TMEM217: variants seen among roughly 807,000 people sequenced by gnomAD.
TMEM217 encodes transmembrane protein 217, also known as chromosome 6 open reading frame 128.
For missense variants in TMEM217, 204 were observed against 248.8 expected (o/e 0.82, Z 1.21); for synonymous variants, 76 against 88.3 (o/e 0.86, Z 0.78).
chr6:37,245,924 C>T (rs771061171), intron 1 of TMEM217, among the ~76,000 whole-genome samples: 1 of 151,966 alleles, frequency 6.6e-6, no homozygotes, highest in Non-Finnish European at 1.5e-5. Context: ...CTCAGCCTCC[C>T]GAGTAGCTGT....
chr6:37,213,313 G>A (rs142343622), downstream of TMEM217, among the ~76,000 whole-genome samples: 701 of 152,342 alleles, frequency 4.6e-3, 7 homozygotes, highest in African/African-American at 0.016. Context: ...TGGGAATTCA[G>A]AGGTTCCTGT....
chr6:37,226,076 G>A (rs187346610), intron 1 of TMEM217, among the ~76,000 whole-genome samples: 12 of 152,186 alleles, frequency 7.9e-5, no homozygotes, highest in Admixed American at 7.9e-4. Context: ...GAAGTGTAAT[G>A]AGAACTAGTG....
At chr6:37,250,214 G>A (rs1446020911) in intron 1 of TMEM217, among the ~76,000 whole-genome samples, 1 of 152,060 alleles carries the variant, frequency 6.6e-6, no homozygotes, top group African/African-American at 2.4e-5. Context: ...ATAAAAACAA[G>A]GGAATTATTA....
At chr6:37,242,008 AT>A (rs35494889) in intron 1 of TMEM217, among the ~76,000 whole-genome samples, 8,486 of 129,980 alleles carry the variant, frequency 0.065, 559 homozygotes, top group African/African-American at 0.21. Flanking sequence ...TTCGATCTCA[AT>A]TTTTTTTTTT....
At chr6:37,252,510 G>GCA (rs975059110) in intron 1 of TMEM217, among the ~76,000 whole-genome samples, 1 of 150,122 alleles carries the variant, frequency 6.7e-6, no homozygotes, top group Non-Finnish European at 1.5e-5. Flanking sequence ...ATATATATAT[G>GCA]CACACACACA....
At chr6:37,244,556 CTG>C (rs1008244026) in intron 1 of TMEM217, among the ~76,000 whole-genome samples, 1 of 152,180 alleles carries the variant, frequency 6.6e-6, no homozygotes, top group Non-Finnish European at 1.5e-5. Flanking sequence ...CAGTCTTTCT[CTG>C]TGTAAGTCAG....
intron 1 of TMEM217, among the ~76,000 whole-genome samples, chr6:37,247,051 A>G (rs948203720): frequency 2.0e-5 from 3 of 152,326 alleles, no homozygotes; most frequent in South Asian, 2.1e-4. Flanking sequence ...TCCTTCTACA[A>G]TGCAGATCTG....
intron 1 of TMEM217, among the ~76,000 whole-genome samples, chr6:37,229,007 C>A (rs1293292574): frequency 1.3e-5 from 2 of 150,756 alleles, no homozygotes; most frequent in African/African-American, 2.4e-5. Flanking sequence ...AAAAAAAAAA[C>A]AAAAAACAAA....
intron 1 of TMEM217, among the ~76,000 whole-genome samples, chr6:37,230,342 C>G (rs1327940860): frequency 6.6e-6 from 1 of 152,158 alleles, no homozygotes; most frequent in African/African-American, 2.4e-5. Flanking sequence ...AGGTGTGATA[C>G]GAGGGGGCAA....
At chr6:37,242,182 T>C (rs1764801495) in intron 1 of TMEM217, among the ~76,000 whole-genome samples, 1 of 152,138 alleles carries the variant, frequency 6.6e-6, no homozygotes, top group African/African-American at 2.4e-5. Context: ...CTCATAGCCC[T>C]GGAGACTATG....
At chr6:37,249,611 G>A (rs1214856003) in intron 1 of TMEM217, among the ~76,000 whole-genome samples, 4 of 152,126 alleles carry the variant, frequency 2.6e-5, no homozygotes, top group African/African-American at 7.2e-5. Flanking sequence ...GTAAGCCACC[G>A]CACCCAGTGG....
chr6:37,212,266 C>T (rs559574247), exon 4 of TMEM217: 3 of 348,776 alleles, frequency 8.6e-6, no homozygotes, highest in African/African-American at 4.3e-5. Context: ...ATCCGCACAA[C>T]CTGCCCTCTC....
intron 1 of TMEM217, among the ~76,000 whole-genome samples, chr6:37,253,546 T>C (rs576460213): frequency 6.6e-6 from 1 of 152,350 alleles, no homozygotes; most frequent in African/African-American, 2.4e-5. Flanking sequence ...GTTTAGATAC[T>C]ATAAAGCTCT....
chr6:37,212,751 G>A (rs1230792966), downstream of TMEM217: 1 of 687,378 alleles, frequency 1.5e-6, no homozygotes, highest in Admixed American at 2.0e-5. Flanking sequence ...AATAAAAGAG[G>A]AAGCAGCCGA....
intron 1 of TMEM217, among the ~76,000 whole-genome samples, chr6:37,226,740 T>G (rs1272509220): frequency 6.6e-6 from 1 of 152,048 alleles, no homozygotes; most frequent in Admixed American, 6.5e-5. Flanking sequence ...TTTTTTGTAT[T>G]TTTAGTAGAG....
chr6:37,247,416 T>G (rs1583487511), intron 1 of TMEM217, among the ~76,000 whole-genome samples: 5 of 141,950 alleles, frequency 3.5e-5, no homozygotes, highest in Admixed American at 7.3e-5. Flanking sequence ...TGAGATGGAG[T>G]CTCGCTCTGT....
At chr6:37,250,600 T>C (rs561920798) in intron 1 of TMEM217, among the ~76,000 whole-genome samples, 5 of 152,268 alleles carry the variant, frequency 3.3e-5, no homozygotes, top group Non-Finnish European at 7.3e-5. Context: ...TCCTAGGTAC[T>C]GTACCTTAAA....
At chr6:37,232,372 T>C (rs560010170) in intron 1 of TMEM217, among the ~76,000 whole-genome samples, 2 of 152,254 alleles carry the variant, frequency 1.3e-5, no homozygotes, top group Admixed American at 6.5e-5. Flanking sequence ...AATAGTTTTT[T>C]CTGTTTTGTT....
intron 1 of TMEM217, among the ~76,000 whole-genome samples, chr6:37,253,554 T>C (rs1765565790): frequency 6.6e-6 from 1 of 152,188 alleles, no homozygotes; most frequent in Non-Finnish European, 1.5e-5. Context: ...ACTATAAAGC[T>C]CTCTTGCTGT....
Sources: gnomAD v4.1 joint callset for allele counts (sites outside exome capture counted in the v4.1 genomes callset) on GRCh38, gnomAD v4.1.1 for gene constraint, MANE v1.5 for transcripts, NCBI Gene and HGNC (gene_info 2026-07-23, HGNC 2026-07-21) for gene names.